Variants in SLCO6A1 observed in about 807,000 individuals in gnomAD.
SLCO6A1 encodes solute carrier organic anion transporter family member 6A1.
SLCO6A1 carries 65 observed loss-of-function variants against 72.7 expected under a neutral mutation model. That is an observed-to-expected ratio of 0.89 (90% CI 0.73 to 1.10). The LOEUF is 1.10. Ranked by LOEUF, SLCO6A1 falls within the 50% of genes least tolerant of loss-of-function variation. The pLI, the probability that SLCO6A1 is intolerant of heterozygous loss-of-function variation, is 0.00. For synonymous variants in SLCO6A1, 314 were observed against 298.2 expected (o/e 1.05, Z -0.55); for missense variants, 874 against 872.6 (o/e 1.00, Z -0.02).
chr5:102,414,670 G>T (rs1436133945), intron 8 of SLCO6A1, among the ~76,000 whole-genome samples: 2 of 152,108 alleles, frequency 1.3e-5, no homozygotes, highest in Non-Finnish European at 2.9e-5. Flanking sequence ...GGGGCAGGTG[G>T]ATTGTCTGAG....
chr5:102,398,456 G>A (rs1747221021), intron 10 of SLCO6A1, among the ~76,000 whole-genome samples: 1 of 152,126 alleles, frequency 6.6e-6, no homozygotes, highest in Non-Finnish European at 1.5e-5. Context: ...GGGATTATAG[G>A]AGTGAGCCAC....
At chr5:102,386,525 T>C (rs189053349) in intron 12 of SLCO6A1, among the ~76,000 whole-genome samples, 2 of 152,222 alleles carry the variant, frequency 1.3e-5, no homozygotes, top group Admixed American at 6.5e-5. Context: ...AGCCTGGGAA[T>C]ACAGGGGACA....
chr5:102,469,756 T>C (rs1751506303), intron 4 of SLCO6A1, among the ~76,000 whole-genome samples: 1 of 152,220 alleles, frequency 6.6e-6, no homozygotes, highest in South Asian at 2.1e-4. Flanking sequence ...AGGGAATGCT[T>C]CCAGTTTTTG....
intron 7 of SLCO6A1, among the ~76,000 whole-genome samples, chr5:102,433,088 TG>T (rs1250693180): frequency 5.3e-5 from 8 of 152,228 alleles, no homozygotes; most frequent in Non-Finnish European, 1.2e-4. Context: ...GATTGCATTA[TG>T]AAATTCTCAT....
chr5:102,459,968 T>A (rs1750941858), intron 4 of SLCO6A1, among the ~76,000 whole-genome samples, 191 bp from the exon 5 acceptor site: 1 of 152,164 alleles, frequency 6.6e-6, no homozygotes, highest in Admixed American at 6.5e-5. Flanking sequence ...AGTCCCCAAT[T>A]ATGTGCTTGT....
At chr5:102,476,091 C>A (rs113283881) in intron 3 of SLCO6A1, among the ~76,000 whole-genome samples, 6 of 151,986 alleles carry the variant, frequency 3.9e-5, no homozygotes, top group Non-Finnish European at 8.8e-5. Flanking sequence ...TAAAAGACTG[C>A]ACATTGGGTA....
chr5:102,450,787 G>A (rs1191228754), intron 6 of SLCO6A1, among the ~76,000 whole-genome samples: 1 of 152,222 alleles, frequency 6.6e-6, no homozygotes, highest in Non-Finnish European at 1.5e-5. Flanking sequence ...GGCCCAAGCC[G>A]AGGTGCCCTG....
intron 12 of SLCO6A1, among the ~76,000 whole-genome samples, chr5:102,377,899 CTTTT>C (rs34866181): frequency 2.7e-5 from 4 of 145,460 alleles, no homozygotes; most frequent in Non-Finnish European, 3.0e-5. Context: ...GTCTTAAACT[CTTTT>C]TTTTTTTTTT....
intron 6 of SLCO6A1, among the ~76,000 whole-genome samples, chr5:102,455,608 G>C (rs1255173571): frequency 6.6e-6 from 1 of 152,004 alleles, no homozygotes; most frequent in Non-Finnish European, 1.5e-5. Flanking sequence ...GTTCTCTTCT[G>C]AGTTACTTAA....
At chr5:102,412,789 A>C (rs943907914) in intron 9 of SLCO6A1, among the ~76,000 whole-genome samples, 9 of 152,022 alleles carry the variant, frequency 5.9e-5, no homozygotes, top group South Asian at 2.1e-4. Context: ...AAAAAAAAAA[A>C]ACAAATTTTA....
chr5:102,489,304 C>G (rs533292895), intron 1 of SLCO6A1, among the ~76,000 whole-genome samples: 13 of 152,264 alleles, frequency 8.5e-5, no homozygotes, highest in African/African-American at 2.9e-4. Context: ...ATACGTTACC[C>G]TCAGTGGAAA....
At chr5:102,458,355 T>C in intron 6 of SLCO6A1, 27 bp downstream of exon 6, 1 of 1,510,698 alleles carries the variant, frequency 6.6e-7, no homozygotes, top group Middle Eastern at 1.7e-4. Flanking sequence ...CTTAGTTGGA[T>C]TGTTCAAGTA....
Position 102,498,409 on chromosome 5 carries a change from C to G in SLCO6A1, c.358+78G>C. 3.6e-6 allele frequency: 5 copies of G among 1,407,156 alleles called. No individual in the cohort carries two copies. The African/African-American group carries it at 5.9e-5, about 17-fold the overall frequency. The allele number at this position is 1,407,156 out of a possible 1,614,324, so 87.2% of individuals were successfully genotyped here. ...TGCTGGGCCACCCCAGGGCGTCCTC[C>G]GCCATACTCCCTCTCCCGCCTCCGC... is the stretch of plus-strand genomic sequence containing the variant. On this transcript the variant is annotated intron_variant, in intron 1 of 13. Coordinates refer to ENST00000506729, the MANE Select transcript of SLCO6A1 (RefSeq NM_173488.5).
At chr5:102,479,506 T>C (rs1205780392) in intron 2 of SLCO6A1, among the ~76,000 whole-genome samples, 2 of 152,038 alleles carry the variant, frequency 1.3e-5, no homozygotes, top group Non-Finnish European at 2.9e-5. Flanking sequence ...ACCACCCCTA[T>C]CTTTCCGCTC....
In SLCO6A1 at chr5:102,388,723, T is replaced by G. The variant is rs199624995; in HGVS notation, c.1982A>C (p.Asn661Thr). The G allele has an allele frequency of 6.3e-7, 1 of 1,599,448 alleles. No individual in the cohort carries two copies. Among genetic ancestry groups the G allele is most frequent in the East Asian group, 2.3e-5 (1 of 44,142 alleles). Residue 661 changes from asparagine (N) to threonine (T), a missense_variant, in exon 12 of 14, where the codon AAC becomes ACC. Coordinates refer to ENST00000506729, the MANE Select transcript of SLCO6A1 (RefSeq NM_173488.5). ...CAATAAGAAAGCCATTTTTGTCTTG[T>G]TATATATCCAACAACGTCCTGTGTG... ...CGHTGRCWIY[N>T]KTKMAFLLVG... is the part of the protein sequence containing the mutation.
intron 4 of SLCO6A1, among the ~76,000 whole-genome samples, chr5:102,465,042 C>A (rs1200264546): frequency 1.3e-5 from 2 of 151,940 alleles, no homozygotes; most frequent in Non-Finnish European, 2.9e-5. Context: ...ATAACTACAC[C>A]AAATCCTGTT....
rs915888587 is a variant in SLCO6A1, at chr5:102,383,926, T to C, written c.2017+4762A>G. ...GATTATGTCTTTATGAAGTTTTATG[T>C]TTATAGGAATTTGTTCATATTACCT... On this transcript the variant is annotated intron_variant, in intron 12 of 13. Coordinates refer to ENST00000506729, the MANE Select transcript of SLCO6A1 (RefSeq NM_173488.5). Among the ~76,000 whole-genome samples, 5 of 151,936 alleles carry C rather than the reference T, an allele frequency of 3.3e-5. No individual in the cohort carries two copies. The East Asian group carries it at 9.7e-4, about 29-fold the overall frequency.
At chr5:102,454,461 C>T (rs1174822009) in intron 6 of SLCO6A1, among the ~76,000 whole-genome samples, 1 of 152,134 alleles carries the variant, frequency 6.6e-6, no homozygotes, top group African/African-American at 2.4e-5. Context: ...CAGGATTTTC[C>T]ACGTTTCTCT....
intron 6 of SLCO6A1, among the ~76,000 whole-genome samples, chr5:102,448,210 T>C (rs1226526366): frequency 2.6e-5 from 4 of 152,220 alleles, no homozygotes; most frequent in African/African-American, 7.2e-5. Context: ...TCGATTTCTA[T>C]TTTTATTGCA....
Sources: allele counts gnomAD v4.1 joint callset (sites outside exome capture counted in the v4.1 genomes callset), GRCh38; gene constraint gnomAD v4.1.1; transcripts MANE v1.5; gene names NCBI Gene and HGNC (gene_info 2026-07-23, HGNC 2026-07-21).